CAMTA1: variants seen among roughly 807,000 people sequenced by gnomAD.
CAMTA1 encodes calmodulin binding transcription activator 1.
Under a neutral mutation model 170.9 loss-of-function variants are expected in CAMTA1, and 27 were observed. The ratio of observed to expected loss-of-function variants is 0.16; its 90% CI spans 0.12 to 0.22. The LOEUF is 0.22. Among genes scored for constraint, CAMTA1 ranks in the 10% least tolerant of loss-of-function variants. CAMTA1 has a pLI of 1.00. For missense variants in CAMTA1, 1,619 were observed against 2,217.2 expected (o/e 0.73, Z 5.42); for synonymous variants, 833 against 891.5 (o/e 0.93, Z 1.17).
intron 7 of CAMTA1, among the ~76,000 whole-genome samples, chr1:7,651,304 G>T (rs192868325): frequency 6.6e-6 from 1 of 152,146 alleles, no homozygotes; most frequent in Non-Finnish European, 1.5e-5. Flanking sequence ...ACTGCCCCTC[G>T]TCCTTGCCAC....
chr1:6,930,402 GC>G (rs1684184561), intron 3 of CAMTA1, among the ~76,000 whole-genome samples: 2 of 152,314 alleles, frequency 1.3e-5, no homozygotes, highest in South Asian at 4.1e-4. Flanking sequence ...TCTACATGGA[GC>G]CCACTCTGTC....
intron 6 of CAMTA1, among the ~76,000 whole-genome samples, chr1:7,601,541 C>T (rs1193384030): frequency 7.2e-5 from 11 of 152,190 alleles, no homozygotes; most frequent in African/African-American, 1.4e-4. Flanking sequence ...GACAGGGTGG[C>T]GGCCGGGCAG....
chr1:7,361,414 G>A (rs2149978079), intron 5 of CAMTA1, among the ~76,000 whole-genome samples: 1 of 152,268 alleles, frequency 6.6e-6, no homozygotes, highest in South Asian at 2.1e-4. Context: ...CTGGGGAGGT[G>A]ACCTTCTAGC....
chr1:7,189,671 C>G (rs1016044174), intron 4 of CAMTA1, among the ~76,000 whole-genome samples: 2 of 152,234 alleles, frequency 1.3e-5, no homozygotes, highest in African/African-American at 4.8e-5. Context: ...CGGAACACAT[C>G]TGCACTGCTG....
chr1:7,161,700 T>C (rs1286407369), intron 4 of CAMTA1, among the ~76,000 whole-genome samples: 1 of 152,184 alleles, frequency 6.6e-6, no homozygotes, highest in Non-Finnish European at 1.5e-5. Flanking sequence ...CCAATAAACC[T>C]CTTTCTTTTG....
chr1:6,950,965 A>G (rs1280475938), intron 3 of CAMTA1, among the ~76,000 whole-genome samples: 1 of 152,174 alleles, frequency 6.6e-6, no homozygotes, highest in African/African-American at 2.4e-5. Context: ...GTTGCTGCTC[A>G]TGGAGACCTG....
At chr1:7,743,255 G>C (rs925123457) in intron 16 of CAMTA1, among the ~76,000 whole-genome samples, 2 of 151,696 alleles carry the variant, frequency 1.3e-5, no homozygotes, top group African/African-American at 4.9e-5. Context: ...ATTTTTAACA[G>C]CTTTATTGAG....
intron 3 of CAMTA1, among the ~76,000 whole-genome samples, chr1:7,084,707 C>T (rs17030260): frequency 0.048 from 7,237 of 152,150 alleles, 584 homozygotes; most frequent in African/African-American, 0.17. Context: ...TATGTGTTTG[C>T]GGGTTCCTGT....
In CAMTA1 at chr1:6,970,067, C is replaced by G. The variant is rs1375771522; in HGVS notation, c.235-121237C>G. 2.6e-5 allele frequency among the ~76,000 whole-genome samples: 4 copies of G among 152,200 alleles called. No homozygotes were observed. The highest frequency in any genetic ancestry group is 5.9e-5 in the Non-Finnish European group (4 of 68,036). ...ACCCTGTGTGGTCAACTCACCCTCT[C>G]CCTCCCAGGATCTCTAACCCCAGTC... On this transcript the variant is annotated intron_variant, in intron 3 of 22. Transcript: ENST00000303635. The surrounding 1 kb of genome is among the most constrained non-coding windows in gnomAD (Gnocchi z 4.4).
chr1:7,710,776 A>G (rs1038829146), intron 11 of CAMTA1, among the ~76,000 whole-genome samples: 8 of 151,926 alleles, frequency 5.3e-5, no homozygotes, highest in Non-Finnish European at 8.8e-5. Context: ...AGGGTCCCCA[A>G]TATGGCAGCA....
intron 3 of CAMTA1, among the ~76,000 whole-genome samples, chr1:7,026,817 G>T (rs1702087156): frequency 6.6e-6 from 1 of 151,978 alleles, no homozygotes; most frequent in South Asian, 2.1e-4. Context: ...TTTTAGTAGA[G>T]ACGGGATTTC....
intron 11 of CAMTA1, among the ~76,000 whole-genome samples, chr1:7,701,869 C>A (rs553890841): frequency 9.9e-5 from 15 of 152,284 alleles, no homozygotes; most frequent in African/African-American, 3.4e-4. Context: ...TTGAATCATG[C>A]GCGTGCCTTA....
At chr1:6,815,698 G>C (rs1043065071) in intron 1 of CAMTA1, among the ~76,000 whole-genome samples, 1 of 152,154 alleles carries the variant, frequency 6.6e-6, no homozygotes, top group Non-Finnish European at 1.5e-5. Flanking sequence ...ATCTTTTATA[G>C]ATCATTTATC....
intron 4 of CAMTA1, among the ~76,000 whole-genome samples, chr1:7,233,926 G>A (rs1180232438): frequency 2.0e-5 from 3 of 152,154 alleles, no homozygotes; most frequent in African/African-American, 7.2e-5. Context: ...CAGCCTCTCT[G>A]TAGGATGCTG....
intron 6 of CAMTA1, among the ~76,000 whole-genome samples, chr1:7,513,469 G>C (rs2149901562): frequency 6.6e-6 from 1 of 152,236 alleles, no homozygotes; most frequent in East Asian, 1.9e-4. Flanking sequence ...CAAGATCAAG[G>C]GGTCGGTTCC....
intron 3 of CAMTA1, among the ~76,000 whole-genome samples, chr1:6,988,342 C>T (rs1234668435): frequency 6.6e-6 from 1 of 152,180 alleles, no homozygotes; most frequent in Non-Finnish European, 1.5e-5. Context: ...GGAGGCAGAC[C>T]TAATGAAAAC....
intron 16 of CAMTA1, among the ~76,000 whole-genome samples, chr1:7,742,921 T>C (rs1392515813): frequency 6.6e-6 from 1 of 152,148 alleles, no homozygotes; most frequent in Non-Finnish European, 1.5e-5. Context: ...TTCCATCTCC[T>C]GGGTTCAAGC....
chr1:7,304,726 G>A (rs968464693), intron 5 of CAMTA1, among the ~76,000 whole-genome samples: 13 of 150,318 alleles, frequency 8.6e-5, no homozygotes, highest in Admixed American at 6.6e-5. Context: ...TAGATTGTTG[G>A]TTTTTTTTCT....
At chr1:7,352,109 A>G (rs2149893689) in intron 5 of CAMTA1, among the ~76,000 whole-genome samples, 1 of 152,090 alleles carries the variant, frequency 6.6e-6, no homozygotes, top group South Asian at 2.1e-4. Flanking sequence ...CTGGGCCAGG[A>G]TTCCAGGAGA....
Sources: allele counts gnomAD v4.1 joint callset (sites outside exome capture counted in the v4.1 genomes callset), GRCh38; gene constraint gnomAD v4.1.1; non-coding constraint Gnocchi (gnomAD v3.1); transcripts MANE v1.5; gene names NCBI Gene and HGNC (gene_info 2026-07-23, HGNC 2026-07-21).